The following STXBP5L variants were observed in gnomAD, a reference collection of about 807,000 sequenced individuals.
The protein encoded by STXBP5L is syntaxin-binding protein 5-like.
In STXBP5L, 65 loss-of-function variants were observed where a neutral mutation model predicts 144.5. The ratio of observed to expected loss-of-function variants is 0.45; its 90% CI spans 0.37 to 0.55. The LOEUF (loss-of-function observed/expected upper bound fraction) is 0.55. STXBP5L is among the 20% of genes least tolerant of loss of function. The pLI is 0.00. For synonymous variants in STXBP5L, 505 were observed against 469.6 expected (o/e 1.08, Z -0.97); for missense variants, 1,298 against 1,405.5 (o/e 0.92, Z 1.22).
intron 9 of STXBP5L, among the ~76,000 whole-genome samples, chr3:121,193,319 A>G (rs940837465): frequency 7.0e-6 from 1 of 142,742 alleles, no homozygotes; most frequent in Non-Finnish European, 1.5e-5. Flanking sequence ...AAGTCAGGAA[A>G]CAAGAGGTGC....
At chr3:121,071,445 T>G (rs184456258) in intron 5 of STXBP5L, among the ~76,000 whole-genome samples, 110 of 152,320 alleles carry the variant, frequency 7.2e-4, no homozygotes, top group African/African-American at 2.5e-3. Flanking sequence ...GCAGGGAAGT[T>G]GTCCGTGTCA....
intron 3 of STXBP5L, among the ~76,000 whole-genome samples, chr3:121,035,106 A>C (rs1444147234): frequency 6.6e-6 from 1 of 151,964 alleles, no homozygotes; most frequent in Non-Finnish European, 1.5e-5. Context: ...TTCTTTGTAG[A>C]TTTTGGATGT....
intron 20 of STXBP5L, among the ~76,000 whole-genome samples, chr3:121,341,070 A>G (rs28885767): frequency 0.26 from 38,904 of 151,992 alleles, 5,131 homozygotes; most frequent in Admixed American, 0.35. Context: ...AAGTGCAGAG[A>G]TAACCCACAG....
chr3:121,369,332 C>A (rs1005989492), intron 20 of STXBP5L, among the ~76,000 whole-genome samples: 1 of 123,850 alleles, frequency 8.1e-6, no homozygotes, highest in African/African-American at 3.1e-5. Context: ...TCAGAATCCT[C>A]CTGTTTGGCT....
At chr3:121,393,091 CTATTTTTT>C (rs1310723430) in intron 22 of STXBP5L, among the ~76,000 whole-genome samples, 9 of 151,472 alleles carry the variant, frequency 5.9e-5, no homozygotes, top group African/African-American at 2.2e-4. Context: ...TTGCCAAAGT[CTATTTTTT>C]TATTTTTTAT....
intron 10 of STXBP5L, among the ~76,000 whole-genome samples, chr3:121,208,321 C>T (rs113281316): frequency 1.1e-4 from 12 of 106,058 alleles, no homozygotes; most frequent in African/African-American, 3.5e-4. Context: ...CATCACACAC[C>T]GGGGCCTGTC....
intron 6 of STXBP5L, among the ~76,000 whole-genome samples, chr3:121,119,622 A>G (rs1446238565): frequency 6.6e-6 from 1 of 151,330 alleles, no homozygotes; most frequent in Non-Finnish European, 1.5e-5. Flanking sequence ...AATTTTCAGA[A>G]TCCAAAGTCC....
At chr3:121,125,132 G>A (rs2044646672) in intron 7 of STXBP5L, among the ~76,000 whole-genome samples, 1 of 152,122 alleles carries the variant, frequency 6.6e-6, no homozygotes, top group Non-Finnish European at 1.5e-5. Flanking sequence ...AATTGGTGAA[G>A]TGCAAGAAGG....
At chr3:120,971,798 A>T (rs2107798485) in intron 3 of STXBP5L, among the ~76,000 whole-genome samples, 1 of 151,460 alleles carries the variant, frequency 6.6e-6, no homozygotes, top group Non-Finnish European at 1.5e-5. Context: ...ATATATACAC[A>T]CATATATATA....
chr3:121,312,063 G>A (rs897643008), intron 19 of STXBP5L, among the ~76,000 whole-genome samples: 3 of 152,102 alleles, frequency 2.0e-5, no homozygotes, highest in Non-Finnish European at 4.4e-5. Flanking sequence ...TCTGATCTTT[G>A]ACAAACCTGA....
chr3:121,063,377 C>A (rs1476994992), intron 5 of STXBP5L, among the ~76,000 whole-genome samples: 1 of 152,154 alleles, frequency 6.6e-6, no homozygotes, highest in Non-Finnish European at 1.5e-5. Flanking sequence ...AAGCTTCATC[C>A]CAAAGGGGCA....
At chr3:121,274,723 T>C (rs979057374) in intron 18 of STXBP5L, among the ~76,000 whole-genome samples, 3 of 152,220 alleles carry the variant, frequency 2.0e-5, no homozygotes, top group Non-Finnish European at 4.4e-5. Flanking sequence ...GGCCTGGGCA[T>C]ATACAGATTG....
chr3:121,375,256 T>A (rs1163047494), intron 20 of STXBP5L, among the ~76,000 whole-genome samples: 1 of 152,182 alleles, frequency 6.6e-6, no homozygotes, highest in Admixed American at 6.5e-5. Flanking sequence ...TATGGAAAGT[T>A]CAATAATCCC....
chr3:121,219,193 G>A (rs1441756216), intron 10 of STXBP5L, among the ~76,000 whole-genome samples: 1 of 152,102 alleles, frequency 6.6e-6, no homozygotes, highest in Non-Finnish European at 1.5e-5. Context: ...ACACAAGGAG[G>A]TTAAAAAGCA....
chr3:121,204,807 A>G (rs1462888447), intron 9 of STXBP5L, among the ~76,000 whole-genome samples: 2 of 152,226 alleles, frequency 1.3e-5, no homozygotes, highest in Non-Finnish European at 2.9e-5. Context: ...AACTGAAAGC[A>G]TAACTAGAAA....
At chr3:121,062,578 C>A (rs1270546667) in intron 5 of STXBP5L, among the ~76,000 whole-genome samples, 1 of 152,204 alleles carries the variant, frequency 6.6e-6, no homozygotes, top group Non-Finnish European at 1.5e-5. Context: ...GGGAAGTTCT[C>A]CTGGATAATA....
chr3:121,418,377 G>A lies in STXBP5L; in HGVS notation c.3267G>A (p.Ala1089=), dbSNP rs150797963. The change falls in exon 26 of 27, where the codon GCG becomes GCA. Residue 1089 remains alanine, a synonymous_variant. Transcript: ENST00000471454. The part of the protein sequence containing the change: ...ASAGKASRSL[A]QHIPGPGSIE... ...CAGGAAAAGCATCCCGCAGCCTTGC[G>A]CAACACATTCCTGGACCAGGTAGTA... 159 of 1,613,976 alleles carry A rather than the reference G, an allele frequency of 9.9e-5. 1 individual carries two copies. Among genetic ancestry groups the A allele is most frequent in the African/African-American group, 6.5e-4 (49 of 75,052 alleles).
intron 3 of STXBP5L, among the ~76,000 whole-genome samples, chr3:120,975,451 A>G (rs1225499160): frequency 1.3e-5 from 2 of 152,282 alleles, no homozygotes; most frequent in African/African-American, 2.4e-5. Flanking sequence ...GGGCTGAGAC[A>G]ATGGGGTTTT....
In STXBP5L at chr3:121,419,912, A is replaced by C. The variant is rs2047321445; in HGVS notation, c.*815A>C. ...CAGCCTGGCTTGTACTCTATAGGGGAGTTGGTAGTAGGTGTGGGGAATCTA... is the reference window on the plus strand; with the variant it reads ...CAGCCTGGCTTGTACTCTATAGGGGCGTTGGTAGTAGGTGTGGGGAATCTA... On this transcript the variant is annotated 3_prime_UTR_variant, in exon 27 of 27. Coordinates refer to ENST00000471454, the MANE Select transcript of STXBP5L (RefSeq NM_001308330.2). 6.6e-6 allele frequency: 1 copy of C among 152,074 alleles called. No homozygotes were observed. Among genetic ancestry groups the C allele is most frequent in the African/African-American group, 2.4e-5 (1 of 41,408 alleles). The allele number at this position is 152,074 out of a possible 1,614,324, so 9.4% of individuals were successfully genotyped here. A position where few individuals can be genotyped will look rare whatever the true frequency, so the allele number is the denominator to read the frequency against.
Sources: gnomAD v4.1 joint callset for allele counts (sites outside exome capture counted in the v4.1 genomes callset) on GRCh38, gnomAD v4.1.1 for gene constraint, MANE v1.5 for transcripts, NCBI Gene and HGNC (gene_info 2026-07-23, HGNC 2026-07-21) for gene names.